Variants in FSTL4 observed in about 807,000 individuals in gnomAD.
FSTL4 encodes follistatin like 4, also known as follistatin-related protein 4.
Under a neutral mutation model 78.2 loss-of-function variants are expected in FSTL4, and 28 were observed. The observed-to-expected ratio is 0.36, with a 90% CI of 0.27 to 0.49. The LOEUF is 0.49. Among genes scored for constraint, FSTL4 ranks in the 20% least tolerant of loss-of-function variants. The pLI, the probability that FSTL4 is intolerant of heterozygous loss-of-function variation, is 0.98. For missense variants in FSTL4, 922 were observed against 1,084.9 expected (o/e 0.85, Z 2.11); for synonymous variants, 422 against 440.5 (o/e 0.96, Z 0.53).
At chr5:133,756,321 G>T in the FSTL4 span, among the ~76,000 whole-genome samples, 1 of 151,798 alleles carries the variant, frequency 6.6e-6, no homozygotes. Flanking sequence ...TGCAGAAGGG[G>T]TCTGCAGGTC....
intron 4 of FSTL4, among the ~76,000 whole-genome samples, chr5:133,329,129 A>G (rs1754283765): frequency 6.6e-6 from 1 of 152,190 alleles, no homozygotes; most frequent in Non-Finnish European, 1.5e-5. Context: ...CAAAGGGAGC[A>G]CTTAGCTCCC....
chr5:133,401,589 C>A (rs1353698031), intron 3 of FSTL4, among the ~76,000 whole-genome samples: 1 of 152,176 alleles, frequency 6.6e-6, no homozygotes, highest in African/African-American at 2.4e-5. Flanking sequence ...CAAGTCATAC[C>A]TTTCCCTCTT....
intron 3 of FSTL4, among the ~76,000 whole-genome samples, chr5:133,558,285 T>A (rs1467783167): frequency 1.3e-5 from 2 of 152,184 alleles, no homozygotes; most frequent in Non-Finnish European, 2.9e-5. Context: ...GTAGTAGTTA[T>A]CAAACTAGAG....
intron 3 of FSTL4, among the ~76,000 whole-genome samples, chr5:133,533,218 A>G (rs1759290136): frequency 6.6e-6 from 1 of 152,148 alleles, no homozygotes. Context: ...AAGTGAGATA[A>G]TAAGTTTCTG....
chr5:133,776,704 G>A, the FSTL4 span, among the ~76,000 whole-genome samples: 62 of 152,294 alleles, frequency 4.1e-4, 1 homozygote, highest in African/African-American at 1.4e-3. Context: ...CTTACCTCCA[G>A]AAACCTCCTT....
chr5:133,569,439 T>A (rs1320733444), intron 2 of FSTL4, among the ~76,000 whole-genome samples: 1 of 152,244 alleles, frequency 6.6e-6, no homozygotes, highest in African/African-American at 2.4e-5. Context: ...TACATTTTAC[T>A]GAGTTTTAAA....
chr5:133,392,230 G>A (rs906347188), intron 4 of FSTL4, among the ~76,000 whole-genome samples: 10 of 152,270 alleles, frequency 6.6e-5, no homozygotes, highest in Non-Finnish European at 1.2e-4. Context: ...AGACTGAAAC[G>A]TGAGGAGAGG....
At chr5:133,778,646 G>A in the FSTL4 span, among the ~76,000 whole-genome samples, 1 of 152,194 alleles carries the variant, frequency 6.6e-6, no homozygotes, top group Non-Finnish European at 1.5e-5. Flanking sequence ...CAGAGCAGGT[G>A]CCTCTGGGAG....
chr5:133,214,380 T>C (rs1169582534), intron 13 of FSTL4, among the ~76,000 whole-genome samples: 7 of 152,268 alleles, frequency 4.6e-5, no homozygotes, highest in Non-Finnish European at 1.0e-4. Context: ...TGTCCCATTG[T>C]ATTTGCCAAG....
chr5:133,794,923 C>G, the FSTL4 span, among the ~76,000 whole-genome samples: 27 of 152,328 alleles, frequency 1.8e-4, no homozygotes, highest in Admixed American at 8.5e-4. Flanking sequence ...ATTCCTCTTT[C>G]CCACTGGCCC....
intron 6 of FSTL4, among the ~76,000 whole-genome samples, chr5:133,310,246 G>A (rs966239975): frequency 2.6e-5 from 4 of 152,184 alleles, no homozygotes; most frequent in African/African-American, 9.7e-5. Context: ...TGTGATGAAT[G>A]GTTTGGCTGT....
At chr5:133,265,645 G>A (rs1477085692) in intron 6 of FSTL4, among the ~76,000 whole-genome samples, 5 of 152,214 alleles carry the variant, frequency 3.3e-5, no homozygotes, top group Non-Finnish European at 7.3e-5. Context: ...GGTGGGTTGG[G>A]TTTTGGAGAA....
At chr5:133,771,316 G>A in the FSTL4 span, among the ~76,000 whole-genome samples, 1 of 152,010 alleles carries the variant, frequency 6.6e-6, no homozygotes, top group East Asian at 1.9e-4. Context: ...GGGCAGTATG[G>A]TCATTTTAAC....
At chr5:133,755,234 A>G in the FSTL4 span, among the ~76,000 whole-genome samples, 1 of 152,150 alleles carries the variant, frequency 6.6e-6, no homozygotes, top group Admixed American at 6.5e-5. Context: ...GGCAATTCCT[A>G]GAAAGGGATG....
chr5:133,810,169 T>C, the FSTL4 span, among the ~76,000 whole-genome samples: 2 of 152,190 alleles, frequency 1.3e-5, no homozygotes, highest in Non-Finnish European at 2.9e-5. Context: ...CCCATGCAGA[T>C]CTTCTGGCTT....
intron 2 of FSTL4, among the ~76,000 whole-genome samples, chr5:133,601,118 T>A (rs1353747409): frequency 5.9e-5 from 9 of 152,142 alleles, no homozygotes. Flanking sequence ...GGGAAAACCA[T>A]CCACGTCCCC....
the FSTL4 span, among the ~76,000 whole-genome samples, chr5:133,700,162 T>C: frequency 0.083 from 12,080 of 146,146 alleles, 532 homozygotes; most frequent in Middle Eastern, 0.16. Flanking sequence ...ACCACCACAC[T>C]GAACCACCAC....
At position 133,213,845 on chromosome 5, in the gene FSTL4, G is replaced by A. The variant is rs1450040257; in HGVS notation, c.1608+3384C>T. Among the ~76,000 whole-genome samples, 5 of 152,062 alleles carry A rather than the reference G, an allele frequency of 3.3e-5. No homozygotes were observed. The South Asian group carries it at 6.2e-4, about 19-fold the overall frequency. On this transcript the variant is annotated intron_variant, in intron 13 of 15. Transcript: ENST00000265342. ...AAATTAGATAAAAACCCAACTACAC[G>A]TGGCTTTATAAAAGAGGACCTTAAA...
intron 3 of FSTL4, among the ~76,000 whole-genome samples, chr5:133,497,134 T>C (rs530590521): frequency 5.3e-5 from 8 of 152,324 alleles, no homozygotes; most frequent in Admixed American, 4.6e-4. Flanking sequence ...CTGCCCACGG[T>C]GCCCAGCTCT....
Sources: gnomAD v4.1 joint callset for allele counts (sites outside exome capture counted in the v4.1 genomes callset) on GRCh38, gnomAD v4.1.1 for gene constraint, MANE v1.5 for transcripts, NCBI Gene and HGNC (gene_info 2026-07-23, HGNC 2026-07-21) for gene names.